GREB1: variants seen among roughly 807,000 people sequenced by gnomAD.
GREB1 encodes protein GREB1.
GREB1 carries 106 observed loss-of-function variants against 200.7 expected under a neutral mutation model. The observed-to-expected ratio is 0.53, with a 90% confidence interval of 0.45 to 0.62. The LOEUF (loss-of-function observed/expected upper bound fraction) is 0.62, where lower values mean the gene tolerates loss of function less well. Ranked by LOEUF, GREB1 falls within the 20% of genes least tolerant of loss-of-function variation. The probability of loss-of-function intolerance (pLI) is 0.00; values close to 1 mark genes in which losing one functional copy is unlikely to be tolerated. For synonymous variants in GREB1, 1,132 were observed against 1,092.4 expected (o/e 1.04, Z -0.72); for missense variants, 2,243 against 2,556.8 (o/e 0.88, Z 2.65).
At chr2:11,547,325 C>T (rs1021306683) in intron 1 of GREB1, among the ~76,000 whole-genome samples, 1 of 152,238 alleles carries the variant, frequency 6.6e-6, no homozygotes, top group Non-Finnish European at 1.5e-5. Context: ...CAGGCACTAG[C>T]TGTGTGTCTT....
chr2:11,569,836 T>G (rs962768334), intron 4 of GREB1, among the ~76,000 whole-genome samples: 1 of 151,932 alleles, frequency 6.6e-6, no homozygotes, highest in Non-Finnish European at 1.5e-5. Flanking sequence ...ACTGGAGAGG[T>G]GGCGAGAGTG....
At chr2:11,511,125 G>T (rs777473470) in intron 1 of GREB1, among the ~76,000 whole-genome samples, 2 of 150,590 alleles carry the variant, frequency 1.3e-5, no homozygotes, top group East Asian at 3.9e-4. Flanking sequence ...GGCATGGGGC[G>T]TCAGGCTCAC....
rs540261508 is a variant in GREB1 at position 11,557,250 on chromosome 2, C to G, written c.157+479C>G. 2.0e-5 allele frequency among the ~76,000 whole-genome samples: 3 copies of G among 152,340 alleles called. No individual in the cohort carries two copies. In the South Asian group the frequency reaches 6.2e-4, roughly 32 times the overall value. On this transcript the variant is annotated intron_variant, in intron 2 of 32. Coordinates refer to ENST00000381486, the MANE Select transcript of GREB1 (RefSeq NM_014668.4). ...TGCCAAGAATAAACAACTAAATTCT[C>G]TTCGGGCATAGGGATGACTTTTTAG...
Position 11,548,620 on chromosome 2 carries a change from GTTTTC to G in GREB1, c.-161-7831_-161-7827del, listed in dbSNP as rs1462491395. 6.6e-6 allele frequency among the ~76,000 whole-genome samples: 1 copy of G among 152,012 alleles called. No homozygotes were observed. The highest frequency in any genetic ancestry group is 6.5e-5 in the Admixed American group (1 of 15,272). On this transcript the variant is annotated intron_variant, in intron 1 of 32. Transcript: ENST00000381486. This position sits in a 1 kb window ranked among gnomAD's most constrained non-coding sequence, Gnocchi z 5.1. The stretch of plus-strand genomic sequence containing the variant: ...ATCAGATAATTAAATCTGTTGCCCT[GTTTTC>G]TTCTTGGAGGCCTCCTTCCTGGAGC...
At chr2:11,591,387 T>G (rs1195390876) in intron 10 of GREB1, 9 of 734,896 alleles carry the variant, frequency 1.2e-5, no homozygotes. Flanking sequence ...CTGACGCACT[T>G]TCTTCCAGCA....
rs535064438 is a variant in GREB1, at chr2:11,579,535, A to C, written c.772+1104A>C. On this transcript the variant is annotated intron_variant, in intron 6 of 32. Transcript: ENST00000381486. ...TCTTCTGCTAACTCATGTCATTCTCACAGTGGCTCTGAGTTGCTACAGTGA... is the reference window on the plus strand; with the variant it reads ...TCTTCTGCTAACTCATGTCATTCTCCCAGTGGCTCTGAGTTGCTACAGTGA... Among the ~76,000 whole-genome samples, 18 of 152,206 alleles carry C rather than the reference A, an allele frequency of 1.2e-4. 1 individual carries two copies. The highest frequency in any genetic ancestry group is 2.6e-4 in the Non-Finnish European group (18 of 68,020).
intron 1 of GREB1, among the ~76,000 whole-genome samples, chr2:11,553,244 G>C (rs1423873785): frequency 6.6e-6 from 1 of 152,082 alleles, no homozygotes; most frequent in Non-Finnish European, 1.5e-5. Flanking sequence ...CGGGCATGGT[G>C]GCTCATGCCT....
At chr2:11,581,250 T>C (rs968721785) in intron 7 of GREB1, 1 of 537,104 alleles carries the variant, frequency 1.9e-6, no homozygotes, top group Admixed American at 3.5e-5. Flanking sequence ...TCTCAATAAA[T>C]GTTTCTTCAT....
At chr2:11,639,368 C>T (rs117453361) in intron 32 of GREB1, among the ~76,000 whole-genome samples, 8,540 of 152,262 alleles carry the variant, frequency 0.056, 434 homozygotes, top group East Asian at 0.21. Flanking sequence ...GGATTACCGG[C>T]GTGAGCCACC....
intron 9 of GREB1, 166 bp from the exon 10 acceptor site, chr2:11,588,580 G>T (rs2148148844): frequency 1.4e-6 from 1 of 707,078 alleles, no homozygotes; most frequent in East Asian, 2.7e-5. Context: ...CTCCAGGAGG[G>T]TGAGCAGGTG....
At chr2:11,617,702 C>A (rs561134134) in intron 21 of GREB1, among the ~76,000 whole-genome samples, 1 of 152,060 alleles carries the variant, frequency 6.6e-6, no homozygotes, top group Non-Finnish European at 1.5e-5. Flanking sequence ...CGGGTGTGTG[C>A]GGTGGCCGCA....
intron 1 of GREB1, among the ~76,000 whole-genome samples, chr2:11,503,834 A>T (rs1558487451): frequency 1.8e-5 from 2 of 113,884 alleles, no homozygotes; most frequent in Non-Finnish European, 3.6e-5. Context: ...CAGGTTTTCC[A>T]CAATATTCAG....
At chr2:11,566,794 T>G in intron 4 of GREB1, 138 bp downstream of exon 4, 1 of 685,992 alleles carries the variant, frequency 1.5e-6, no homozygotes. Context: ...CTGTTTCTGT[T>G]TTTTGGTAGA....
rs895511820 is a variant in GREB1, at chr2:11,630,254, T to C, written c.4611+145T>C. ...GAGGAGGCTGGTGTCGCGCACGGGC[T>C]CTGGAGTCACTCCAATTCAAGCCTC... On this transcript the variant is annotated intron_variant, in intron 26 of 32. Coordinates refer to ENST00000381486, the MANE Select transcript of GREB1 (RefSeq NM_014668.4). The C allele has an allele frequency of 2.4e-5, 17 of 694,372 alleles. No homozygotes were observed. In the African/African-American group the frequency reaches 2.9e-4, roughly 12 times the overall value. 43.0% of individuals were successfully genotyped at this position (694,372 alleles called of 1,614,324 possible).
rs754072408 is a variant in GREB1 at position 11,632,874 on chromosome 2, C to G, written c.4817-15C>G. The stretch of plus-strand genomic sequence containing the variant: ...TGCAGGTCAGTCCTGAGTCCAGGTG[C>G]TTTGCCCACTGCAGGTGCTGCTCAT... On this transcript the variant is annotated splice_polypyrimidine_tract_variant and intron_variant, in intron 27 of 32. Coordinates refer to ENST00000381486, the MANE Select transcript of GREB1 (RefSeq NM_014668.4). The G allele has an allele frequency of 2.4e-5, 38 of 1,611,794 alleles. No homozygotes were observed. Among genetic ancestry groups the G allele is most frequent in the Non-Finnish European group, 3.1e-5 (37 of 1,178,826 alleles).
intron 1 of GREB1, among the ~76,000 whole-genome samples, chr2:11,511,404 G>A (rs1349599703): frequency 6.6e-6 from 1 of 152,150 alleles, no homozygotes; most frequent in Non-Finnish European, 1.5e-5. Flanking sequence ...TGAATGGGGA[G>A]TAAGAATAGA....
intron 1 of GREB1, among the ~76,000 whole-genome samples, chr2:11,491,722 G>A (rs1672777359): frequency 6.6e-6 from 1 of 152,208 alleles, no homozygotes; most frequent in African/African-American, 2.4e-5. Flanking sequence ...AACATTAGCA[G>A]CCTCCCTGTC....
At chr2:11,583,002 G>A (rs1244937035) in intron 7 of GREB1, among the ~76,000 whole-genome samples, 1 of 152,074 alleles carries the variant, frequency 6.6e-6, no homozygotes, top group African/African-American at 2.4e-5. Flanking sequence ...GATGCACAAT[G>A]TCCCGCACCA....
At chr2:11,547,109 T>C (rs1675357390) in intron 1 of GREB1, among the ~76,000 whole-genome samples, 1 of 152,040 alleles carries the variant, frequency 6.6e-6, no homozygotes, top group Admixed American at 6.6e-5. Flanking sequence ...CGCCCAGCTA[T>C]GTTTTGTATT....
Sources: allele counts gnomAD v4.1 joint callset (sites outside exome capture counted in the v4.1 genomes callset), GRCh38; gene constraint gnomAD v4.1.1; non-coding constraint Gnocchi (gnomAD v3.1); transcripts MANE v1.5; gene names NCBI Gene and HGNC (gene_info 2026-07-23, HGNC 2026-07-21).